Variants in DNAH3 observed in about 807,000 individuals in gnomAD.
DNAH3 encodes axonemal beta dynein heavy chain 3.
Under a neutral mutation model 432.5 loss-of-function variants are expected in DNAH3, and 332 were observed. The ratio of observed to expected loss-of-function variants is 0.77; its 90% CI spans 0.70 to 0.84. The LOEUF (loss-of-function observed/expected upper bound fraction) is 0.84. Ranked by LOEUF, DNAH3 falls within the 40% of genes least tolerant of loss-of-function variation. The pLI is 0.00. For synonymous variants in DNAH3, 1,956 were observed against 1,900.2 expected (o/e 1.03, Z -0.76); for missense variants, 4,861 against 5,114.0 (o/e 0.95, Z 1.51).
At chr16:21,067,313 T>C (rs1395742426) in exon 24 of DNAH3, 2 of 1,614,004 alleles carry the variant, frequency 1.2e-6, no homozygotes, top group Admixed American at 1.7e-5. Context: ...CTTCTCCAAG[T>C]AATCATTCAG....
intron 25 of DNAH3, among the ~76,000 whole-genome samples, chr16:21,061,592 A>G (rs576513989): frequency 6.6e-6 from 1 of 152,332 alleles, no homozygotes; most frequent in Non-Finnish European, 1.5e-5. Flanking sequence ...CAAATGAAAC[A>G]TTTATGTCAG....
chr16:21,053,043 A>T (rs145214401), intron 28 of DNAH3, among the ~76,000 whole-genome samples: 119 of 152,248 alleles, frequency 7.8e-4, no homozygotes, highest in African/African-American at 2.7e-3. Flanking sequence ...GGCTGATGAG[A>T]ATCATTCATT....
intron 37 of DNAH3, among the ~76,000 whole-genome samples, chr16:21,028,342 C>T (rs1454873032): frequency 2.0e-5 from 3 of 151,982 alleles, no homozygotes; most frequent in Admixed American, 6.6e-5. Flanking sequence ...CCGTGCCTGG[C>T]CCATAAATCT....
At chr16:21,000,197 G>A (rs761718392) in intron 43 of DNAH3, 27 bp downstream of exon 43, 1 of 1,599,078 alleles carries the variant, frequency 6.3e-7, no homozygotes, top group South Asian at 1.1e-5. Context: ...GAATCTGGTT[G>A]TGTCCAGACC....
chr16:20,975,178 T>C, intron 51 of DNAH3, 55 bp downstream of exon 51: 1 of 1,594,476 alleles, frequency 6.3e-7, no homozygotes, highest in Non-Finnish European at 8.5e-7. Flanking sequence ...AAGATGGGTA[T>C]AACCACGCTC....
At chr16:21,078,088 C>G (rs1374490543) in intron 20 of DNAH3, among the ~76,000 whole-genome samples, 1 of 151,950 alleles carries the variant, frequency 6.6e-6, no homozygotes, top group Non-Finnish European at 1.5e-5. Context: ...CCAGCCTGAC[C>G]AACATGGTGA....
intron 5 of DNAH3, among the ~76,000 whole-genome samples, chr16:21,138,144 A>T (rs2092668894): frequency 6.6e-6 from 1 of 152,018 alleles, no homozygotes; most frequent in Non-Finnish European, 1.5e-5. Context: ...GCTACTCAGG[A>T]GGCTGAGACA....
chr16:21,151,103 A>G (rs933129274), intron 1 of DNAH3, among the ~76,000 whole-genome samples: 2 of 152,196 alleles, frequency 1.3e-5, no homozygotes, highest in Non-Finnish European at 2.9e-5. Context: ...CTTGGGATCT[A>G]CAATTGGACA....
intron 11 of DNAH3, among the ~76,000 whole-genome samples, chr16:21,117,623 A>T (rs2092237500): frequency 6.6e-6 from 1 of 152,038 alleles, no homozygotes; most frequent in Admixed American, 6.6e-5. Flanking sequence ...GCTCCAGTGG[A>T]TGTTGGTTTC....
intron 41 of DNAH3, among the ~76,000 whole-genome samples, chr16:21,009,893 AAGAGG>A (rs35449316): frequency 1.2e-3 from 138 of 117,318 alleles, no homozygotes; most frequent in East Asian, 9.2e-3. Context: ...AAGAAAAGAA[AAGAGG>A]AGAGGAGAGG....
intron 19 of DNAH3, 82 bp from the exon 20 acceptor site, chr16:21,081,809 C>T: frequency 8.5e-7 from 1 of 1,183,014 alleles, no homozygotes; most frequent in Non-Finnish European, 1.2e-6. Flanking sequence ...TGGAGATGTT[C>T]TTTTTATCTG....
chr16:21,009,638 G>A (rs1210280558), intron 41 of DNAH3, among the ~76,000 whole-genome samples: 1 of 152,140 alleles, frequency 6.6e-6, no homozygotes, highest in African/African-American at 2.4e-5. Context: ...CAGCACTTTG[G>A]GAGGCCAAGG....
At chr16:21,025,044 C>T (rs1018165284) in intron 38 of DNAH3, among the ~76,000 whole-genome samples, 3 of 152,082 alleles carry the variant, frequency 2.0e-5, no homozygotes, top group African/African-American at 7.2e-5. Context: ...CATTTCTCAG[C>T]CTCCCGAGTA....
chr16:20,969,718 G>A (rs1475537878), intron 52 of DNAH3, 74 bp downstream of exon 52: 3 of 1,514,590 alleles, frequency 2.0e-6, no homozygotes, highest in Non-Finnish European at 2.7e-6. Flanking sequence ...TCGACTTGGG[G>A]ATGCAGTGGG....
chr16:20,985,617 G>A (rs766043718), exon 48 of DNAH3: 1 of 1,614,206 alleles, frequency 6.2e-7, no homozygotes, highest in Non-Finnish European at 8.5e-7. Flanking sequence ...TCTCATCGTA[G>A]ATTTTTTGGT....
chr16:21,060,628 G>C (rs1438060460), intron 25 of DNAH3, among the ~76,000 whole-genome samples: 1 of 145,992 alleles, frequency 6.8e-6, no homozygotes, highest in Non-Finnish European at 1.5e-5. Context: ...TGGTTCAAGC[G>C]ATTCTCCTGC....
At chr16:21,109,571 T>C (rs2092023349) in intron 14 of DNAH3, among the ~76,000 whole-genome samples, 1 of 152,146 alleles carries the variant, frequency 6.6e-6, no homozygotes, top group African/African-American at 2.4e-5. Flanking sequence ...ATAATATTAA[T>C]AGCGGTGATT....
chr16:21,049,966 C>A, exon 30 of DNAH3: 1 of 1,614,240 alleles, frequency 6.2e-7, no homozygotes, highest in Non-Finnish European at 8.5e-7. Context: ...CCAGTCCCAG[C>A]TGGACCCTCT....
At chr16:21,118,792 T>G (rs2092267603) in intron 11 of DNAH3, among the ~76,000 whole-genome samples, 1 of 152,160 alleles carries the variant, frequency 6.6e-6, no homozygotes, top group African/African-American at 2.4e-5. Flanking sequence ...CTAGTCACTC[T>G]AACTCCCTCA....
Sources: gnomAD v4.1 joint callset for allele counts (sites outside exome capture counted in the v4.1 genomes callset) on GRCh38, gnomAD v4.1.1 for gene constraint, MANE v1.5 for transcripts, NCBI Gene and HGNC (gene_info 2026-07-23, HGNC 2026-07-21) for gene names.